The following SLC39A8 variants were observed in gnomAD, a reference collection of about 807,000 sequenced individuals.
SLC39A8 encodes the protein metal cation symporter ZIP8.
Under a neutral mutation model 40.4 loss-of-function variants are expected in SLC39A8, and 15 were observed. The observed-to-expected ratio is 0.37, with a 90% CI of 0.25 to 0.57. The LOEUF is 0.57. SLC39A8 is among the 20% of genes least tolerant of loss of function. The pLI, the probability that SLC39A8 is intolerant of heterozygous loss-of-function variation, is 0.75. For missense variants in SLC39A8, 472 were observed against 558.8 expected (o/e 0.84, Z 1.57); for synonymous variants, 223 against 221.6 (o/e 1.01, Z -0.06).
At chr4:102,318,435 A>G (rs1486437651) in intron 2 of SLC39A8, among the ~76,000 whole-genome samples, 1 of 152,208 alleles carries the variant, frequency 6.6e-6, no homozygotes, top group Non-Finnish European at 1.5e-5. Context: ...CTTATTTAAA[A>G]TAGCTATCTA....
chr4:102,289,028 T>A (rs764754698), intron 6 of SLC39A8, among the ~76,000 whole-genome samples: 1 of 152,164 alleles, frequency 6.6e-6, no homozygotes, highest in Non-Finnish European at 1.5e-5. Context: ...AGGGCTTTCA[T>A]AGCTAAAGAG....
intron 5 of SLC39A8, 71 bp downstream of exon 5, chr4:102,304,918 T>G (rs1734100710): frequency 1.9e-5 from 25 of 1,328,416 alleles, no homozygotes; most frequent in Non-Finnish European, 3.1e-6. Context: ...ATAAAATTTC[T>G]GTCTTTATTT....
chr4:102,288,212 C>G (rs1733268643), intron 6 of SLC39A8, among the ~76,000 whole-genome samples: 1 of 152,128 alleles, frequency 6.6e-6, no homozygotes, highest in Admixed American at 6.6e-5. Context: ...CACAATATTT[C>G]AAACTTTTTC....
chr4:102,325,969 T>G (rs1186910256), intron 2 of SLC39A8, among the ~76,000 whole-genome samples: 1 of 152,158 alleles, frequency 6.6e-6, no homozygotes, highest in African/African-American at 2.4e-5. Flanking sequence ...CTTTTCGAGG[T>G]CTTGTCTTGA....
At chr4:102,307,897 GACAA>G (rs1734259788) in intron 3 of SLC39A8, among the ~76,000 whole-genome samples, 1 of 151,830 alleles carries the variant, frequency 6.6e-6, no homozygotes, top group Non-Finnish European at 1.5e-5. Flanking sequence ...AGCGAACAGC[GACAA>G]ACAATCTGAG....
chr4:102,260,639 AC>A (rs895109196), downstream of SLC39A8, among the ~76,000 whole-genome samples: 5 of 152,192 alleles, frequency 3.3e-5, no homozygotes, highest in Admixed American at 6.5e-5. Context: ...TGCCATGCCA[AC>A]CCTGCACTGC....
chr4:102,339,539 G>A (rs145940471), intron 2 of SLC39A8, among the ~76,000 whole-genome samples: 271 of 152,122 alleles, frequency 1.8e-3, no homozygotes, highest in African/African-American at 5.8e-3. Context: ...ATATGAGCCC[G>A]GAGTTATTCT....
At chr4:102,289,934 G>A (rs983304198) in intron 6 of SLC39A8, among the ~76,000 whole-genome samples, 1 of 152,184 alleles carries the variant, frequency 6.6e-6, no homozygotes, top group Non-Finnish European at 1.5e-5. Flanking sequence ...TGACAAAGCA[G>A]TGGTAGAGGT....
At chr4:102,276,845 A>C (rs1205915875) in intron 6 of SLC39A8, among the ~76,000 whole-genome samples, 1 of 152,218 alleles carries the variant, frequency 6.6e-6, no homozygotes, top group East Asian at 1.9e-4. Context: ...TATGCAAACC[A>C]ATAAACACAA....
downstream of SLC39A8, among the ~76,000 whole-genome samples, chr4:102,261,246 A>G (rs1198156400): frequency 6.6e-6 from 1 of 152,244 alleles, no homozygotes; most frequent in Admixed American, 6.5e-5. Flanking sequence ...CAACCAGAGC[A>G]TGGAGGACAG....
intron 6 of SLC39A8, 71 bp from the exon 7 acceptor site, chr4:102,268,150 T>C: frequency 6.6e-7 from 1 of 1,521,134 alleles, no homozygotes; most frequent in South Asian, 1.1e-5. Flanking sequence ...AAGTTGGAGA[T>C]GGGTTGTGCT....
At chr4:102,323,601 A>G (rs1430548233) in intron 2 of SLC39A8, among the ~76,000 whole-genome samples, 3 of 152,256 alleles carry the variant, frequency 2.0e-5, no homozygotes, top group African/African-American at 7.2e-5. Flanking sequence ...TATAAGGACT[A>G]CAGTAATAGC....
intron 3 of SLC39A8, 120 bp downstream of exon 3, chr4:102,315,548 T>G (rs1446124036): frequency 3.0e-5 from 22 of 740,772 alleles, no homozygotes; most frequent in Non-Finnish European, 4.2e-5. Context: ...TAAGTATTAT[T>G]CGAAGAAGTT....
chr4:102,328,677 C>A (rs1735320222), intron 2 of SLC39A8, among the ~76,000 whole-genome samples: 1 of 152,176 alleles, frequency 6.6e-6, no homozygotes, highest in African/African-American at 2.4e-5. Context: ...CAGGTAAACC[C>A]AGTCCTTTGC....
downstream of SLC39A8, among the ~76,000 whole-genome samples, chr4:102,259,197 C>T (rs1490931727): frequency 1.3e-5 from 2 of 152,198 alleles, no homozygotes; most frequent in Non-Finnish European, 2.9e-5. Flanking sequence ...CATTTGAATT[C>T]TTCCAAGGAG....
chr4:102,305,610 G>A (rs990485087), intron 4 of SLC39A8, among the ~76,000 whole-genome samples: 3 of 151,936 alleles, frequency 2.0e-5, no homozygotes, highest in Non-Finnish European at 4.4e-5. Context: ...TATACCTACA[G>A]AACTGTGATA....
At chr4:102,338,489 A>G (rs923032473) in intron 2 of SLC39A8, among the ~76,000 whole-genome samples, 2 of 152,068 alleles carry the variant, frequency 1.3e-5, no homozygotes, top group African/African-American at 4.8e-5. Context: ...CCCAGCCTCC[A>G]TCTTATTTCT....
chr4:102,287,282 CT>C (rs1157070160), intron 6 of SLC39A8, among the ~76,000 whole-genome samples: 1 of 152,030 alleles, frequency 6.6e-6, no homozygotes, highest in African/African-American at 2.4e-5. Flanking sequence ...AGGTAATGGG[CT>C]TCATCAAGCG....
chr4:102,255,569 T>C (rs1731689351), intron 11 of SLC39A8, among the ~76,000 whole-genome samples: 1 of 152,112 alleles, frequency 6.6e-6, no homozygotes, highest in Non-Finnish European at 1.5e-5. Flanking sequence ...TGTGTAAAGA[T>C]TACAATTGAC....
Sources: allele counts gnomAD v4.1 joint callset (sites outside exome capture counted in the v4.1 genomes callset), GRCh38; gene constraint gnomAD v4.1.1; transcripts MANE v1.5; gene names NCBI Gene and HGNC (gene_info 2026-07-23, HGNC 2026-07-21).